The following EDA variants were observed in gnomAD, a reference collection of about 807,000 sequenced individuals.
EDA encodes ectodysplasin A, also known as ectodysplasin-A.
A neutral mutation model predicts 23.6 loss-of-function variants in EDA; 2 were observed. That is an observed-to-expected ratio of 0.08 (90% confidence interval 0.03 to 0.27). The LOEUF (loss-of-function observed/expected upper bound fraction) is 0.27, where lower values mean the gene tolerates loss of function less well. Ranked by LOEUF, EDA falls within the 10% of genes least tolerant of loss-of-function variation. EDA has a pLI of 1.00. For missense variants in EDA, 229 were observed against 324.2 expected (o/e 0.71, Z 2.26); for synonymous variants, 131 against 132.0 (o/e 0.99, Z 0.05).
At chrX:69,722,134 C>T (rs1021492990) in intron 1 of EDA, among the ~76,000 whole-genome samples, 12 of 111,763 alleles carry the variant, frequency 1.1e-4, no homozygotes, top group African/African-American at 3.3e-4. Context: ...TCTTCTGTCT[C>T]TCTGTTTTCA....
intron 1 of EDA, among the ~76,000 whole-genome samples, chrX:69,621,478 A>G (rs1481132133): frequency 8.9e-6 from 1 of 112,058 alleles, no homozygotes. Flanking sequence ...ACATTATTAT[A>G]TGCCACAACT....
At chrX:69,936,174 A>C (rs777008320) in intron 1 of EDA, among the ~76,000 whole-genome samples, 2 of 110,472 alleles carry the variant, frequency 1.8e-5, no homozygotes, top group South Asian at 7.7e-4. Flanking sequence ...ATTTTAAAAA[A>C]AATCAATTTG....
chrX:69,806,362 C>T (rs750600740), intron 1 of EDA, among the ~76,000 whole-genome samples: 5 of 111,222 alleles, frequency 4.5e-5, no homozygotes, highest in Middle Eastern at 9.2e-3. Flanking sequence ...TGAATAGTCT[C>T]GACTTGTTCT....
chrX:69,645,584 T>TTATATATATATATATATATA lies in EDA; in HGVS notation c.396+28889_396+28890insATATATATATATATATATAT, dbSNP rs761403541. 2.0e-3 allele frequency among the ~76,000 whole-genome samples: 111 copies of TTATATATATATATATATATA among 54,286 alleles called. 12 individuals are homozygous for TTATATATATATATATATATA. Among genetic ancestry groups the TTATATATATATATATATATA allele is most frequent in the African/African-American group, 7.8e-3 (72 of 9,260 alleles). The allele number at this position is 54,286 out of a possible 115,157, so 47.1% of individuals were successfully genotyped here. ...GGTTGCTCTTAGTTCTCTAGTTCTTTTATATATATGTGTGTGTGTATATAT... is the reference window on the plus strand; with the variant it reads ...GGTTGCTCTTAGTTCTCTAGTTCTTTTATATATATATATATATATATATATATATGTGTGTGTGTATATAT... On this transcript the variant is annotated intron_variant, in intron 1 of 7. Transcript: ENST00000374552.
intron 1 of EDA, among the ~76,000 whole-genome samples, chrX:69,939,828 G>A (rs1023120414): frequency 2.4e-4 from 27 of 111,600 alleles, no homozygotes; most frequent in South Asian, 7.5e-4. Flanking sequence ...TCTTTTTTCA[G>A]CATCAATTGA....
At chrX:69,903,943 T>A (rs2018138228) in intron 1 of EDA, among the ~76,000 whole-genome samples, 1 of 110,312 alleles carries the variant, frequency 9.1e-6, no homozygotes, top group South Asian at 4.0e-4. Context: ...CCCGAGTAGC[T>A]GGGATTACAG....
intron 1 of EDA, among the ~76,000 whole-genome samples, chrX:69,788,983 A>G (rs1316013126): frequency 8.9e-6 from 1 of 112,698 alleles, no homozygotes; most frequent in Non-Finnish European, 1.9e-5. Context: ...GGTGCGGGAT[A>G]TAATCTCGTG....
chrX:70,013,575 T>C (rs1911596168), intron 2 of EDA, among the ~76,000 whole-genome samples: 1 of 110,693 alleles, frequency 9.0e-6, no homozygotes, highest in Non-Finnish European at 1.9e-5. Flanking sequence ...ACACCACAGT[T>C]GCCATATGGA....
chrX:70,024,208 A>T (rs2147505328), intron 3 of EDA, among the ~76,000 whole-genome samples: 1 of 112,735 alleles, frequency 8.9e-6, no homozygotes, highest in South Asian at 3.7e-4. Context: ...TATAGAATAG[A>T]TTGTCAACCC....
chrX:69,635,925 TC>T (rs1932765075), intron 1 of EDA, among the ~76,000 whole-genome samples: 1 of 110,674 alleles, frequency 9.0e-6, no homozygotes, highest in African/African-American at 3.3e-5. Flanking sequence ...ACTTTTTTTT[TC>T]AACTTGAGTG....
At chrX:69,957,608 A>G (rs764968063) in intron 2 of EDA, 6 of 122,851 alleles carry the variant, frequency 4.9e-5, no homozygotes, top group Non-Finnish European at 9.9e-5. Context: ...GTCCTTTAAC[A>G]TAGAACTAAC....
intron 1 of EDA, among the ~76,000 whole-genome samples, chrX:69,735,861 G>A (rs1196743827): frequency 9.0e-6 from 1 of 111,312 alleles, no homozygotes; most frequent in African/African-American, 3.3e-5. Context: ...AAAGAGGATT[G>A]CCCCCACACA....
At chrX:69,700,181 A>C (rs1470298655) in intron 1 of EDA, among the ~76,000 whole-genome samples, 1 of 110,899 alleles carries the variant, frequency 9.0e-6, no homozygotes, top group African/African-American at 3.3e-5. Context: ...ACAGGAGCAG[A>C]TCATTAACAT....
At chrX:69,921,182 C>A (rs1279653766) in intron 1 of EDA, among the ~76,000 whole-genome samples, 1 of 110,400 alleles carries the variant, frequency 9.1e-6, no homozygotes, top group African/African-American at 3.3e-5. Context: ...GCTACAGGTT[C>A]ATATGTATAT....
Position 69,616,412 on chromosome X carries a change from G to A in EDA, c.104G>A (p.Gly35Asp), listed in dbSNP as rs756099044. 4.1e-6 allele frequency: 5 copies of A among 1,208,553 alleles called. No homozygotes were observed. The East Asian group carries it at 1.5e-4, about 36-fold the overall frequency. The change falls in exon 1 of 8, where the codon GGC (glycine) becomes GAC (aspartate). Residue 35 changes from glycine (G) to aspartate (D), a missense_variant. Around this residue, in one of 2 missense-constraint regions of EDA, gnomAD observed 54 missense variants for 42.4 expected, o/e 1.27. Coordinates refer to ENST00000374552, the MANE Select transcript of EDA (RefSeq NM_001399.5). ...CGCGGAPARA[G>D]EGNSCLLFLG... is the part of the protein sequence containing the mutation. ...TGTGGCGGGGCCCCTGCCCGGGCGGGCGAAGGGAACAGCTGCCTGCTCTTC... is the reference window on the plus strand; with the variant it reads ...TGTGGCGGGGCCCCTGCCCGGGCGGACGAAGGGAACAGCTGCCTGCTCTTC...
chrX:69,870,181 C>T (rs1271101741), intron 1 of EDA, among the ~76,000 whole-genome samples: 1 of 111,536 alleles, frequency 9.0e-6, no homozygotes. Context: ...TTTTTAACTC[C>T]CTGAGCTGCA....
chrX:69,660,878 G>A (rs766905303), intron 1 of EDA, among the ~76,000 whole-genome samples: 1 of 111,289 alleles, frequency 9.0e-6, no homozygotes, highest in African/African-American at 3.3e-5. Context: ...GGATGGCTGG[G>A]TCAAATGGTA....
chrX:69,840,522 CCAA>C (rs756452869), intron 1 of EDA, among the ~76,000 whole-genome samples: 1 of 111,129 alleles, frequency 9.0e-6, no homozygotes, highest in African/African-American at 3.3e-5. Context: ...ACTCAAATGT[CCAA>C]CAACAAGAAA....
intron 5 of EDA, 22 bp from the exon 6 acceptor site, chrX:70,030,447 T>C (rs1356106503): frequency 8.4e-7 from 1 of 1,189,053 alleles, no homozygotes; most frequent in South Asian, 1.8e-5. Flanking sequence ...GTGACTACTC[T>C]CTATCCTTCT....
Sources: gnomAD v4.1 joint callset for allele counts (sites outside exome capture counted in the v4.1 genomes callset) on GRCh38, gnomAD v4.1.1 for gene constraint, gnomAD v4.1.1 regional missense constraint, MANE v1.5 for transcripts, NCBI Gene and HGNC (gene_info 2026-07-23, HGNC 2026-07-21) for gene names.